NHSL1: variants seen among roughly 807,000 people sequenced by gnomAD.
NHSL1 encodes NHS like 1.
Under a neutral mutation model 95.0 loss-of-function variants are expected in NHSL1, and 48 were observed. That is an observed-to-expected ratio of 0.51 (90% CI 0.40 to 0.64). The LOEUF (loss-of-function observed/expected upper bound fraction) is 0.64. NHSL1 is among the 30% of genes least tolerant of loss of function. The probability of loss-of-function intolerance (pLI) is 0.00; values close to 1 mark genes in which losing one functional copy is unlikely to be tolerated. For missense variants in NHSL1, 1,971 were observed against 2,077.7 expected, an observed-to-expected ratio of 0.95 and a Z score of 1.00; for synonymous variants, 783 against 833.9, an observed-to-expected ratio of 0.94 and a Z score of 1.05.
chr6:138,533,842 G>GACGGTGACCTGCCACTTCTA (rs1373582388), intron 1 of NHSL1, among the ~76,000 whole-genome samples: 4 of 152,214 alleles, frequency 2.6e-5, no homozygotes, highest in Non-Finnish European at 5.9e-5. Context: ...CCATTTTCCA[G>GACGGTGACCTGCCACTTCTA]ACGGTGACCT....
chr6:138,428,249 T>G (rs1248495738), intron 7 of NHSL1, among the ~76,000 whole-genome samples: 1 of 152,200 alleles, frequency 6.6e-6, no homozygotes, highest in African/African-American at 2.4e-5. Flanking sequence ...CCCAGTGCAT[T>G]CCATACTAAA....
At chr6:138,662,913 G>A (rs1252734575) in intron 1 of NHSL1, among the ~76,000 whole-genome samples, 1 of 151,612 alleles carries the variant, frequency 6.6e-6, no homozygotes, top group African/African-American at 2.4e-5. Context: ...GTTTCTGGAG[G>A]CCACTTAGGT....
At chr6:138,657,375 C>T (rs1318636041) in intron 1 of NHSL1, among the ~76,000 whole-genome samples, 1 of 152,180 alleles carries the variant, frequency 6.6e-6, no homozygotes, top group Non-Finnish European at 1.5e-5. Flanking sequence ...TTTTATTACA[C>T]TTGTTAACAT....
chr6:138,497,841 A>AT, intron 1 of NHSL1, among the ~76,000 whole-genome samples: 1 of 152,290 alleles, frequency 6.6e-6, no homozygotes, highest in South Asian at 2.1e-4. Flanking sequence ...AGGATAACTC[A>AT]TTTTCAAAAG....
chr6:138,470,833 C>T (rs2128245210), intron 3 of NHSL1, among the ~76,000 whole-genome samples: 1 of 152,210 alleles, frequency 6.6e-6, no homozygotes, highest in African/African-American at 2.4e-5. Flanking sequence ...GCTGTGGGTC[C>T]CAAGGAGACC....
chr6:138,645,954 G>A (rs913800153), intron 1 of NHSL1, among the ~76,000 whole-genome samples: 1 of 152,160 alleles, frequency 6.6e-6, no homozygotes, highest in Non-Finnish European at 1.5e-5. Flanking sequence ...ATGAATGAGT[G>A]TATGATATAA....
rs936193866 is a variant in NHSL1, at chr6:138,534,348, C to T, written c.16+11275G>A. On this transcript the variant is annotated intron_variant, in intron 1 of 4. Coordinates refer to the NHSL1 transcript ENST00000342260. ...AAAGCAAAGGACCCTTGGTACATGA[C>T]GACCCCACAAAAAAAGAGGGTTCAG... Among the ~76,000 whole-genome samples the T allele has an allele frequency of 3.3e-5, 5 of 152,072 alleles. No homozygotes were observed. In the East Asian group the frequency reaches 5.8e-4, roughly 18 times the overall value.
At chr6:138,669,318 A>G (rs6939032) in intron 1 of NHSL1, among the ~76,000 whole-genome samples, 4,822 of 152,198 alleles carry the variant, frequency 0.032, 203 homozygotes, top group African/African-American at 0.094. Context: ...AAAAATTTTC[A>G]TAAAGTGGAG....
At chr6:138,661,903 T>G (rs1420294175) in intron 1 of NHSL1, among the ~76,000 whole-genome samples, 2 of 151,988 alleles carry the variant, frequency 1.3e-5, no homozygotes, top group African/African-American at 4.8e-5. Flanking sequence ...AGACTCTGTC[T>G]CTACAAAAAA....
At chr6:138,486,908 C>T (rs1281344480) in intron 2 of NHSL1, among the ~76,000 whole-genome samples, 7 of 152,174 alleles carry the variant, frequency 4.6e-5, no homozygotes, top group Admixed American at 4.6e-4. Flanking sequence ...TAGAAAAGGA[C>T]TTCCTGGGGC....
At chr6:138,586,123 G>A (rs918653301) in intron 1 of NHSL1, among the ~76,000 whole-genome samples, 1 of 149,396 alleles carries the variant, frequency 6.7e-6, no homozygotes, top group African/African-American at 2.5e-5. Context: ...TTTAGATGGA[G>A]TCTTGCTCTT....
chr6:138,520,393 A>G (rs1315075987), intron 1 of NHSL1, among the ~76,000 whole-genome samples: 1 of 147,586 alleles, frequency 6.8e-6, no homozygotes, highest in African/African-American at 2.5e-5. Flanking sequence ...GGTTCAAGCA[A>G]TTCTCCTGCC....
chr6:138,576,875 G>C (rs1470758726), upstream of NHSL1, among the ~76,000 whole-genome samples: 1 of 152,178 alleles, frequency 6.6e-6, no homozygotes, highest in African/African-American at 2.4e-5. Flanking sequence ...CATCACTGCT[G>C]ACAAAGGGAC....
At chr6:138,690,602 G>C (rs1332035615) in intron 1 of NHSL1, among the ~76,000 whole-genome samples, 1 of 152,076 alleles carries the variant, frequency 6.6e-6, no homozygotes, top group Non-Finnish European at 1.5e-5. Flanking sequence ...TTAGCCGGGC[G>C]TGGTGGCGGG....
At chr6:138,531,518 CTCT>C (rs887091484) in intron 1 of NHSL1, among the ~76,000 whole-genome samples, 12 of 143,196 alleles carry the variant, frequency 8.4e-5, no homozygotes, top group African/African-American at 3.6e-4. Flanking sequence ...TTGTTTCTCT[CTCT>C]TTTTTTTTTT....
rs772273053 is a variant in NHSL1, at chr6:138,446,986, G to A, written c.532+15C>T. ...CCCAAGTACATTCTGAACCTGTCTG[G>A]CTAGCAAAGCGTACCAGTTATGTTA... On this transcript the variant is annotated intron_variant, in intron 4 of 7. Transcript: ENST00000343505. The A allele has an allele frequency of 4.5e-6, 7 of 1,550,940 alleles. No homozygotes were observed. Among genetic ancestry groups the A allele is most frequent in the African/African-American group, 1.4e-5 (1 of 73,038 alleles).
chr6:138,495,334 CA>C (rs1368985923), intron 2 of NHSL1, among the ~76,000 whole-genome samples: 4 of 152,074 alleles, frequency 2.6e-5, no homozygotes, highest in African/African-American at 9.7e-5. Flanking sequence ...TCTACTTGAC[CA>C]AGTATACCTT....
chr6:138,572,835 G>C (rs1783888583), upstream of NHSL1, among the ~76,000 whole-genome samples: 1 of 136,174 alleles, frequency 7.3e-6, no homozygotes, highest in African/African-American at 2.9e-5. Context: ...TTTTGAGAAG[G>C]GGCTTAATAC....
chr6:138,594,934 C>T (rs1173413727), intron 1 of NHSL1, among the ~76,000 whole-genome samples: 3 of 152,170 alleles, frequency 2.0e-5, no homozygotes, highest in Non-Finnish European at 2.9e-5. Flanking sequence ...CTGGTTCACA[C>T]GTGAGCCCAG....
Sources: gnomAD v4.1 joint callset for allele counts (sites outside exome capture counted in the v4.1 genomes callset) on GRCh38, gnomAD v4.1.1 for gene constraint, MANE v1.5 for transcripts, NCBI Gene and HGNC (gene_info 2026-07-23, HGNC 2026-07-21) for gene names.